EXOC2: variants seen among roughly 807,000 people sequenced by gnomAD.
EXOC2 encodes the protein exocyst complex component 2.
In EXOC2, 70 loss-of-function variants were observed where a neutral mutation model predicts 131.8. The ratio of observed to expected loss-of-function variants is 0.53; its 90% CI spans 0.44 to 0.65. The LOEUF is 0.65. EXOC2 is among the 30% of genes least tolerant of loss of function. The probability of loss-of-function intolerance (pLI) is 0.00; values close to 1 mark genes in which losing one functional copy is unlikely to be tolerated. For synonymous variants in EXOC2, 411 were observed against 398.4 expected (o/e 1.03, Z -0.38); for missense variants, 923 against 1,108.6 (o/e 0.83, Z 2.38).
intron 1 of EXOC2, among the ~76,000 whole-genome samples, chr6:688,010 G>C (rs1157047161): frequency 6.6e-6 from 1 of 152,192 alleles, no homozygotes; most frequent in African/African-American, 2.4e-5. Context: ...GGGGTAGATG[G>C]GATCCACAGC....
chr6:531,509 T>TAA (rs1330080195), intron 23 of EXOC2, among the ~76,000 whole-genome samples: 1 of 147,262 alleles, frequency 6.8e-6, no homozygotes, highest in African/African-American at 2.6e-5. Flanking sequence ...TAAGTAACTG[T>TAA]GGCTAATTTA....
intron 22 of EXOC2, among the ~76,000 whole-genome samples, chr6:548,730 A>T (rs1009430122): frequency 6.6e-6 from 1 of 152,188 alleles, no homozygotes; most frequent in Non-Finnish European, 1.5e-5. Context: ...GGTCATACAG[A>T]AAGGGAGAGA....
chr6:531,563 G>T (rs1766087851), intron 23 of EXOC2, among the ~76,000 whole-genome samples: 1 of 152,170 alleles, frequency 6.6e-6, no homozygotes, highest in African/African-American at 2.4e-5. Flanking sequence ...CACTATACGT[G>T]AACACTATAC....
chr6:553,578 C>G (rs936448298), intron 21 of EXOC2, among the ~76,000 whole-genome samples: 4 of 152,176 alleles, frequency 2.6e-5, no homozygotes, highest in African/African-American at 4.8e-5. Context: ...TCTCAAGCAC[C>G]AGGAACTATA....
intron 23 of EXOC2, chr6:525,121 C>T (rs1315743198): frequency 1.3e-5 from 2 of 152,180 alleles, no homozygotes; most frequent in Admixed American, 1.3e-4. Context: ...ATAAGTTCTT[C>T]CTCTATTACT....
chr6:564,841 A>G (rs1247931303), intron 14 of EXOC2, 23 bp downstream of exon 14: 1 of 1,605,444 alleles, frequency 6.2e-7, no homozygotes, highest in Non-Finnish European at 8.5e-7. Flanking sequence ...GAAAAGGTCT[A>G]CATACTTATC....
At position 499,699 on chromosome 6, in the gene EXOC2, A is replaced by T; in HGVS notation, c.2382T>A (p.Gly794=). 1 of 1,613,320 alleles carries T rather than the reference A, an allele frequency of 6.2e-7. No individual in the cohort carries two copies. ...GTGCTTCTTTTAAATAGTTTCTGAC[A>T]CCTGAAATTGAAATAAAGGAGAGAA... ...FDWKDCLPPT[G]VRNYLKEALV... Residue 794 remains glycine, a splice_region_variant and synonymous_variant, in exon 24 of 28, where the codon GGT becomes GGA. Coordinates refer to ENST00000230449, the MANE Select transcript of EXOC2 (RefSeq NM_018303.6).
chr6:623,512 T>G (rs1159772272), intron 4 of EXOC2, among the ~76,000 whole-genome samples: 1 of 152,212 alleles, frequency 6.6e-6, no homozygotes, highest in African/African-American at 2.4e-5. Context: ...TTCAAGATGG[T>G]GAAATTCTAA....
chr6:521,133 G>C (rs1765439676), intron 23 of EXOC2, among the ~76,000 whole-genome samples: 1 of 144,640 alleles, frequency 6.9e-6, no homozygotes, highest in Non-Finnish European at 1.5e-5. Context: ...CACCCACCGA[G>C]TGCCTACACT....
chr6:650,167 G>A (rs1762767728), intron 1 of EXOC2, among the ~76,000 whole-genome samples: 1 of 152,086 alleles, frequency 6.6e-6, no homozygotes, highest in Admixed American at 6.5e-5. Flanking sequence ...TTATTGTAAT[G>A]AACAAAAGTA....
chr6:619,364 C>A lies in EXOC2; in HGVS notation c.536+66G>T, dbSNP rs956684515. The A allele has an allele frequency of 4.6e-6, 6 of 1,303,798 alleles. No homozygotes were observed. The Admixed American group carries it at 8.8e-5, about 19-fold the overall frequency. 80.8% of individuals were successfully genotyped at this position (1,303,798 alleles called of 1,614,324 possible). Reference sequence around the variant, plus strand: ...AGAGCCAGACCTAAAACTCGAGTTACCGTGTAATTCCATCTTTAGCATCTG... The same window carrying A: ...AGAGCCAGACCTAAAACTCGAGTTAACGTGTAATTCCATCTTTAGCATCTG... On this transcript the variant is annotated intron_variant, in intron 5 of 27. Coordinates refer to ENST00000230449, the MANE Select transcript of EXOC2 (RefSeq NM_018303.6).
intron 1 of EXOC2, among the ~76,000 whole-genome samples, chr6:654,958 A>G (rs1763004960): frequency 6.6e-6 from 1 of 152,138 alleles, no homozygotes; most frequent in Non-Finnish European, 1.5e-5. Context: ...ATGGAATCAC[A>G]GCATCCTGAA....
intron 27 of EXOC2, among the ~76,000 whole-genome samples, chr6:487,629 T>C (rs1763154972): frequency 6.6e-6 from 1 of 152,062 alleles, no homozygotes; most frequent in African/African-American, 2.4e-5. Flanking sequence ...ATGGTCTTGA[T>C]TTCCTGAAGT....
chr6:539,857 T>A (rs1399959898), intron 22 of EXOC2, among the ~76,000 whole-genome samples: 1 of 152,240 alleles, frequency 6.6e-6, no homozygotes. Flanking sequence ...TTTTTAGCTC[T>A]TTTCAAATGG....
intron 1 of EXOC2, among the ~76,000 whole-genome samples, chr6:643,020 T>C (rs1762424821): frequency 6.6e-6 from 1 of 151,666 alleles, no homozygotes; most frequent in Non-Finnish European, 1.5e-5. Flanking sequence ...CACAAAGCAA[T>C]TTGGTAGGAG....
In EXOC2 at chr6:571,963, T is replaced by C. The variant is rs551335078; in HGVS notation, c.1443+557A>G. Among the ~76,000 whole-genome samples, 23 of 152,300 alleles carry C rather than the reference T, an allele frequency of 1.5e-4. 1 individual carries two copies. In the South Asian group the frequency reaches 4.1e-3, roughly 27 times the overall value. On this transcript the variant is annotated intron_variant, in intron 13 of 27. Coordinates refer to ENST00000230449, the MANE Select transcript of EXOC2 (RefSeq NM_018303.6). ...TTCATGCCTTCTATGCTATCAGTCA[T>C]ATGATGATGAAGATACTAAAGCATT...
chr6:612,704 C>T (rs1249088478), intron 6 of EXOC2, among the ~76,000 whole-genome samples: 3 of 152,110 alleles, frequency 2.0e-5, no homozygotes, highest in East Asian at 1.9e-4. Context: ...AAATCAATTA[C>T]GGCTCAAGCC....
intron 1 of EXOC2, among the ~76,000 whole-genome samples, chr6:664,512 G>A (rs1402526103): frequency 2.6e-5 from 4 of 152,138 alleles, no homozygotes; most frequent in Non-Finnish European, 2.9e-5. Flanking sequence ...CAAATCTGGA[G>A]GCATCACACT....
chr6:549,410 C>T (rs1757031690), intron 21 of EXOC2, 119 bp from the exon 22 acceptor site: 4 of 671,842 alleles, frequency 6.0e-6, no homozygotes, highest in South Asian at 4.7e-5. Context: ...CAATGCTTTG[C>T]TTTTCTTGGC....
Sources: gnomAD v4.1 joint callset for allele counts (sites outside exome capture counted in the v4.1 genomes callset) on GRCh38, gnomAD v4.1.1 for gene constraint, MANE v1.5 for transcripts, NCBI Gene and HGNC (gene_info 2026-07-23, HGNC 2026-07-21) for gene names.